The following FHIP1A variants were observed in gnomAD, a reference collection of about 807,000 sequenced individuals.
FHIP1A encodes the protein FHF complex subunit HOOK interacting protein 1A, also known as FHF complex subunit HOOK-interacting protein 1A.
FHIP1A carries 61 observed loss-of-function variants against 88.6 expected under a neutral mutation model. That is an observed-to-expected ratio of 0.69 (90% CI 0.56 to 0.85). FHIP1A has a LOEUF of 0.85. FHIP1A is among the 40% of genes least tolerant of loss of function. The probability of loss-of-function intolerance (pLI) is 0.00; values close to 1 mark genes in which losing one functional copy is unlikely to be tolerated. For missense variants in FHIP1A, 1,154 were observed against 1,273.5 expected (o/e 0.91, Z 1.43); for synonymous variants, 478 against 496.0 (o/e 0.96, Z 0.48).
rs142993818 is a variant in FHIP1A, at chr4:151,558,532, CAAACA to C, written c.-122-7583_-122-7579del. 1.3e-4 allele frequency among the ~76,000 whole-genome samples: 19 copies of C among 151,178 alleles called. No individual in the cohort carries two copies. The East Asian group carries it at 1.4e-3, about 11-fold the overall frequency. On this transcript the variant is annotated intron_variant, in intron 3 of 13. Transcript: ENST00000435205. ...CTGATAACAGAGCAACATCCTGTCT[CAAACA>C]AAACAAAACAAAACAAAACAAACAA...
intron 7 of FHIP1A, among the ~76,000 whole-genome samples, chr4:151,620,757 C>CTT (rs60624354): frequency 6.9e-5 from 10 of 144,270 alleles, no homozygotes; most frequent in Admixed American, 5.5e-4. Flanking sequence ...AATTAGATAT[C>CTT]TTTTTTTTTT....
intron 1 of FHIP1A, among the ~76,000 whole-genome samples, chr4:151,440,725 A>G (rs1728377319): frequency 6.6e-6 from 1 of 152,148 alleles, no homozygotes; most frequent in Non-Finnish European, 1.5e-5. Flanking sequence ...CCAACTGCCC[A>G]GGAAATTGCT....
Position 151,595,694 on chromosome 4 carries a change from T to G in FHIP1A, c.978+6768T>G, listed in dbSNP as rs547076649. Reference sequence around the variant, plus strand: ...TGTAGGTGTCTAAGAACTTGTTTTGTGAATCTGGGTACTACTTTATTGGGT... The same window carrying G: ...TGTAGGTGTCTAAGAACTTGTTTTGGGAATCTGGGTACTACTTTATTGGGT... On this transcript the variant is annotated intron_variant, in intron 7 of 13. Coordinates refer to ENST00000435205, the MANE Select transcript of FHIP1A (RefSeq NM_001109977.3). 4.6e-5 allele frequency among the ~76,000 whole-genome samples: 7 copies of G among 152,350 alleles called. 1 individual carries two copies. In the South Asian group the frequency reaches 1.4e-3, roughly 32 times the overall value.
chr4:151,552,057 C>T (rs1433408123), intron 3 of FHIP1A, among the ~76,000 whole-genome samples: 1 of 152,090 alleles, frequency 6.6e-6, no homozygotes, highest in African/African-American at 2.4e-5. Context: ...ATTTATGCAG[C>T]CAAAAAACAA....
chr4:151,561,193 G>A (rs755471934), intron 3 of FHIP1A, among the ~76,000 whole-genome samples: 26 of 152,142 alleles, frequency 1.7e-4, no homozygotes, highest in Non-Finnish European at 3.2e-4. Flanking sequence ...AATTTTCTTT[G>A]TGCACATTTT....
intron 1 of FHIP1A, among the ~76,000 whole-genome samples, chr4:151,410,566 C>T (rs565944186): frequency 6.4e-4 from 98 of 152,288 alleles, no homozygotes; most frequent in African/African-American, 2.3e-3. Flanking sequence ...AAGATTTCCT[C>T]TCCTTAATGT....
At chr4:151,593,395 G>A (rs1195262999) in intron 7 of FHIP1A, among the ~76,000 whole-genome samples, 1 of 152,208 alleles carries the variant, frequency 6.6e-6, no homozygotes, top group Non-Finnish European at 1.5e-5. Context: ...CTATCCATGA[G>A]CATAGAATGT....
At chr4:151,413,358 G>A (rs549053442) in intron 1 of FHIP1A, among the ~76,000 whole-genome samples, 8 of 152,292 alleles carry the variant, frequency 5.3e-5, no homozygotes, top group African/African-American at 1.7e-4. Flanking sequence ...TGAAACTCAG[G>A]GGTGAGGAGG....
intron 3 of FHIP1A, among the ~76,000 whole-genome samples, chr4:151,565,275 T>G (rs542224141): frequency 6.6e-6 from 1 of 152,286 alleles, no homozygotes; most frequent in African/African-American, 2.4e-5. Context: ...CTTTCGTCAG[T>G]GCCACACAAA....
At chr4:151,411,049 C>T (rs1466210124) in intron 1 of FHIP1A, among the ~76,000 whole-genome samples, 2 of 152,160 alleles carry the variant, frequency 1.3e-5, no homozygotes, top group Admixed American at 1.3e-4. Flanking sequence ...TGCCCAGCTA[C>T]CTTTTTTCTT....
chr4:151,474,206 G>T (rs1729621361), intron 2 of FHIP1A, among the ~76,000 whole-genome samples: 1 of 152,128 alleles, frequency 6.6e-6, no homozygotes, highest in Non-Finnish European at 1.5e-5. Flanking sequence ...ATTTGATAGT[G>T]AAATGTTGGA....
chr4:151,415,225 C>G lies in FHIP1A; in HGVS notation c.-356+5760C>G, dbSNP rs373900462. On this transcript the variant is annotated intron_variant, in intron 1 of 13. Transcript: ENST00000435205. ...TTTTTGAGATGGAGTCTTGCTCTGT[C>G]ACCCAGGCTGGAGTGCAGTGGTGCA... 4.1e-5 allele frequency among the ~76,000 whole-genome samples: 6 copies of G among 146,730 alleles called. No individual in the cohort carries two copies. In the East Asian group the frequency reaches 8.0e-4, roughly 19 times the overall value.
chr4:151,526,214 C>T (rs1048517390), intron 3 of FHIP1A, among the ~76,000 whole-genome samples: 1 of 152,236 alleles, frequency 6.6e-6, no homozygotes, highest in Non-Finnish European at 1.5e-5. Flanking sequence ...ACCCTTCCCC[C>T]CTTTCTATTC....
intron 3 of FHIP1A, among the ~76,000 whole-genome samples, chr4:151,518,241 A>C (rs919927026): frequency 6.6e-6 from 1 of 152,144 alleles, no homozygotes; most frequent in African/African-American, 2.4e-5. Flanking sequence ...ATTTACCATC[A>C]TGTTACAGTT....
At chr4:151,484,519 T>C (rs1730008620) in intron 3 of FHIP1A, among the ~76,000 whole-genome samples, 3 of 152,086 alleles carry the variant, frequency 2.0e-5, no homozygotes, top group African/African-American at 4.8e-5. Context: ...ACTTGGATAA[T>C]GAAAGGATGT....
At chr4:151,621,900 G>A (rs1735761099) in intron 7 of FHIP1A, among the ~76,000 whole-genome samples, 1 of 151,994 alleles carries the variant, frequency 6.6e-6, no homozygotes, top group Non-Finnish European at 1.5e-5. Flanking sequence ...ACTATAAATG[G>A]AAAATTTCCC....
At chr4:151,562,460 T>C (rs1015503075) in intron 3 of FHIP1A, among the ~76,000 whole-genome samples, 1 of 152,346 alleles carries the variant, frequency 6.6e-6, no homozygotes, top group African/African-American at 2.4e-5. Flanking sequence ...CTTTTTCTTG[T>C]ATCTTCAAAT....
At chr4:151,612,781 A>C (rs542128588) in intron 7 of FHIP1A, among the ~76,000 whole-genome samples, 1 of 152,304 alleles carries the variant, frequency 6.6e-6, no homozygotes, top group East Asian at 1.9e-4. Flanking sequence ...CTCAGGCTTA[A>C]ATTTTGGGTG....
intron 1 of FHIP1A, among the ~76,000 whole-genome samples, chr4:151,421,903 A>G (rs1733183250): frequency 6.6e-6 from 1 of 152,090 alleles, no homozygotes; most frequent in Non-Finnish European, 1.5e-5. Context: ...AATTTGAGGT[A>G]TTCTTGAGTC....
Sources: allele counts gnomAD v4.1 joint callset (sites outside exome capture counted in the v4.1 genomes callset), GRCh38; gene constraint gnomAD v4.1.1; transcripts MANE v1.5; gene names NCBI Gene and HGNC (gene_info 2026-07-23, HGNC 2026-07-21).